IL6R: variants seen among roughly 807,000 people sequenced by gnomAD.
IL6R encodes the protein interleukin-6 receptor subunit alpha.
A neutral mutation model predicts 48.3 loss-of-function variants in IL6R; 38 were observed. The ratio of observed to expected loss-of-function variants is 0.79; its 90% CI spans 0.61 to 1.03. IL6R has a LOEUF of 1.03. Among genes scored for constraint, IL6R ranks in the 50% least tolerant of loss-of-function variants. The probability of loss-of-function intolerance (pLI) is 0.00; values close to 1 mark genes in which losing one functional copy is unlikely to be tolerated. For synonymous variants in IL6R, 264 were observed against 256.2 expected (o/e 1.03, Z -0.29); for missense variants, 534 against 618.3 (o/e 0.86, Z 1.45).
At chr1:154,445,875 C>G (rs994315069) in intron 6 of IL6R, among the ~76,000 whole-genome samples, 1 of 152,056 alleles carries the variant, frequency 6.6e-6, no homozygotes, top group East Asian at 1.9e-4. Context: ...CTGAACTGCA[C>G]GAGCATCCAT....
At position 154,466,669 on chromosome 1, in the gene IL6R, A is replaced by C. The variant is rs1354351543; in HGVS notation, c.*1289A>C. On this transcript the variant is annotated 3_prime_UTR_variant, in exon 10 of 10. Transcript: ENST00000368485. ...TTGAGATCAGCCTGGGCAATGTGAT[A>C]AAACCCCATCTCTACAAAAAGCATA... The C allele has an allele frequency of 6.5e-6, 1 of 153,314 alleles. No individual in the cohort carries two copies. The highest frequency in any genetic ancestry group is 1.5e-5 in the Non-Finnish European group (1 of 68,740). 9.5% of individuals were successfully genotyped at this position (153,314 alleles called of 1,614,324 possible). A position where few individuals can be genotyped will look rare whatever the true frequency, so the allele number is the denominator to read the frequency against.
At chr1:154,454,407 A>C (rs1690754823) in intron 8 of IL6R, 81 bp from the exon 9 acceptor site, 2 of 882,492 alleles carry the variant, frequency 2.3e-6, no homozygotes, top group Non-Finnish European at 3.7e-6. Flanking sequence ...AGCACCAGCT[A>C]AGTGGTTTTC....
At chr1:154,415,824 C>T in intron 1 of IL6R, among the ~76,000 whole-genome samples, 1 of 152,024 alleles carries the variant, frequency 6.6e-6, no homozygotes, top group South Asian at 2.1e-4. Flanking sequence ...ACTAAAAATA[C>T]AAAAAGTAGC....
intron 1 of IL6R, among the ~76,000 whole-genome samples, chr1:154,427,944 T>G (rs888354706): frequency 6.6e-6 from 1 of 152,242 alleles, no homozygotes; most frequent in Non-Finnish European, 1.5e-5. Context: ...GGTCAGGCAC[T>G]CAGCAGCTGC....
intron 6 of IL6R, chr1:154,444,956 A>C: frequency 2.6e-6 from 1 of 386,220 alleles, no homozygotes; most frequent in Non-Finnish European, 5.2e-6. Flanking sequence ...CCAAATGAGG[A>C]AGGGTGAAAC....
At chr1:154,438,594 C>G (rs891213246) in intron 6 of IL6R, among the ~76,000 whole-genome samples, 1 of 152,144 alleles carries the variant, frequency 6.6e-6, no homozygotes, top group African/African-American at 2.4e-5. Flanking sequence ...AGTCCCATCC[C>G]GACCCCTGCC....
intron 1 of IL6R, among the ~76,000 whole-genome samples, chr1:154,422,479 C>T (rs1344364189): frequency 1.3e-5 from 2 of 151,976 alleles, no homozygotes; most frequent in East Asian, 1.9e-4. Flanking sequence ...AAGAAGATTA[C>T]GATATGGAAA....
rs999184747 is a variant in IL6R at position 154,434,594 on chromosome 1, A to G, written c.534A>G (p.Leu178=). ...AGTCCCAGAAGTTCTCCTGCCAGTT[A>G]GCAGTCCCGGAGGGAGACAGCTCTT... ...SQESQKFSCQ[L]AVPEGDSSFY... The change falls in exon 4 of 10, where the codon TTA becomes TTG. Residue 178 remains leucine (L), a synonymous_variant. Transcript: ENST00000368485. 1.2e-6 allele frequency: 2 copies of G among 1,613,968 alleles called. No homozygotes were observed. The highest frequency in any genetic ancestry group is 1.1e-5 in the South Asian group (1 of 91,076).
intron 9 of IL6R, among the ~76,000 whole-genome samples, chr1:154,463,601 T>C (rs974744250): frequency 3.3e-4 from 50 of 152,098 alleles, no homozygotes; most frequent in Admixed American, 3.3e-3. Flanking sequence ...TGTTCCCACT[T>C]TGGGGTTAGG....
chr1:154,430,159 C>G (rs568680657), intron 2 of IL6R, among the ~76,000 whole-genome samples: 1 of 152,306 alleles, frequency 6.6e-6, no homozygotes, highest in Admixed American at 6.5e-5. Flanking sequence ...TTGCCCAAGG[C>G]CGCACAGCCA....
chr1:154,417,180 A>G (rs1363233917), intron 1 of IL6R, among the ~76,000 whole-genome samples: 1 of 152,208 alleles, frequency 6.6e-6, no homozygotes, highest in Non-Finnish European at 1.5e-5. Context: ...GCTCAGAGAT[A>G]GAAGACAAGA....
chr1:154,421,211 G>A (rs1390047662), intron 1 of IL6R, among the ~76,000 whole-genome samples: 2 of 152,184 alleles, frequency 1.3e-5, no homozygotes, highest in East Asian at 3.8e-4. Flanking sequence ...TTTTTTCTCA[G>A]GGAGATTGGA....
chr1:154,421,604 C>T (rs1159384483), intron 1 of IL6R, among the ~76,000 whole-genome samples: 2 of 152,198 alleles, frequency 1.3e-5, no homozygotes, highest in African/African-American at 2.4e-5. Context: ...AGACACCAGC[C>T]CTCCCCAGAA....
In IL6R at chr1:154,434,525, C is replaced by T; in HGVS notation, c.465C>T (p.Asn155=). The T allele has an allele frequency of 6.2e-7, 1 of 1,613,018 alleles. No individual in the cohort carries two copies. The highest frequency in any genetic ancestry group is 8.5e-7 in the Non-Finnish European group (1 of 1,179,692). The change falls in exon 4 of 10, where the codon AAC becomes AAT. Residue 155 remains asparagine, a synonymous_variant. Transcript: ENST00000368485. ...CTTGTTTTGTGTCTAACAGTCAGAA[C>T]AGTCCGGCCGAAGACTTCCAGGAGC... ...KAVLLVRKFQ[N]SPAEDFQEPC...
At chr1:154,420,372 T>C (rs1019838632) in intron 1 of IL6R, among the ~76,000 whole-genome samples, 3 of 151,920 alleles carry the variant, frequency 2.0e-5, no homozygotes, top group Non-Finnish European at 4.4e-5. Flanking sequence ...GCCAGTGGGC[T>C]CTGCCAGGGG....
intron 9 of IL6R, among the ~76,000 whole-genome samples, chr1:154,455,433 T>C (rs1036693767): frequency 6.6e-6 from 1 of 151,098 alleles, no homozygotes; most frequent in Non-Finnish European, 1.5e-5. Context: ...CTTTTTCTTT[T>C]TCTTTCTCTT....
chr1:154,434,939 C>T (rs935480157), intron 4 of IL6R, 51 bp from the exon 5 acceptor site: 1 of 1,595,520 alleles, frequency 6.3e-7, no homozygotes, highest in Non-Finnish European at 8.6e-7. Flanking sequence ...ACATGGGCTT[C>T]TCTACACTAT....
At chr1:154,416,746 G>A (rs1183936478) in intron 1 of IL6R, among the ~76,000 whole-genome samples, 3 of 152,132 alleles carry the variant, frequency 2.0e-5, no homozygotes, top group African/African-American at 7.2e-5. Context: ...CAAGAGTGGG[G>A]ACTTTGGGGC....
At chr1:154,445,000 CTG>C (rs1558321535) in intron 6 of IL6R, 5 of 451,358 alleles carry the variant, frequency 1.1e-5, no homozygotes, top group Non-Finnish European at 1.8e-5. Context: ...CACCCAGACA[CTG>C]TGGAGATTTG....
Sources: allele counts gnomAD v4.1 joint callset (sites outside exome capture counted in the v4.1 genomes callset), GRCh38; gene constraint gnomAD v4.1.1; transcripts MANE v1.5; gene names NCBI Gene and HGNC (gene_info 2026-07-23, HGNC 2026-07-21).